The following ESYT2 variants were observed in gnomAD, a reference collection of about 807,000 sequenced individuals.
ESYT2 encodes the protein extended synaptotagmin-2.
A neutral mutation model predicts 107.2 loss-of-function variants in ESYT2; 54 were observed. The ratio of observed to expected loss-of-function variants is 0.50; its 90% CI spans 0.40 to 0.63. The LOEUF (loss-of-function observed/expected upper bound fraction) is 0.63. ESYT2 is among the 30% of genes least tolerant of loss of function. The probability of loss-of-function intolerance (pLI) is 0.00; values close to 1 mark genes in which losing one functional copy is unlikely to be tolerated. For missense variants in ESYT2, 1,020 were observed against 1,094.5 expected (o/e 0.93, Z 0.96); for synonymous variants, 491 against 434.1 (o/e 1.13, Z -1.63).
At chr7:158,804,158 G>T (rs1345558530) in intron 1 of ESYT2, among the ~76,000 whole-genome samples, 1 of 49,430 alleles carries the variant, frequency 2.0e-5, no homozygotes, top group Admixed American at 1.8e-4. Flanking sequence ...AACCCAAACC[G>T]TCGAGAAGGG....
intron 1 of ESYT2, among the ~76,000 whole-genome samples, chr7:158,824,775 C>T (rs758049987): frequency 2.0e-5 from 3 of 152,242 alleles, no homozygotes; most frequent in East Asian, 1.9e-4. Context: ...AGACTTTATC[C>T]TATGAAGAGA....
At chr7:158,786,976 G>T (rs1839135481) in intron 6 of ESYT2, among the ~76,000 whole-genome samples, 1 of 152,194 alleles carries the variant, frequency 6.6e-6, no homozygotes, top group African/African-American at 2.4e-5. Flanking sequence ...GGTGAAGAAA[G>T]CCTTCTGCGG....
intron 7 of ESYT2, among the ~76,000 whole-genome samples, chr7:158,768,353 T>C (rs1294132863): frequency 6.6e-6 from 1 of 152,240 alleles, no homozygotes; most frequent in Non-Finnish European, 1.5e-5. Context: ...TTAATAATTT[T>C]TGAAATACTA....
At chr7:158,798,607 T>C (rs1393070451) in intron 2 of ESYT2, among the ~76,000 whole-genome samples, 8 of 120,662 alleles carry the variant, frequency 6.6e-5, no homozygotes, top group Non-Finnish European at 1.1e-4. Flanking sequence ...GATCATGCCA[T>C]TGCACTCCAG....
At chr7:158,827,935 G>A (rs1840503697) in intron 1 of ESYT2, among the ~76,000 whole-genome samples, 1 of 152,144 alleles carries the variant, frequency 6.6e-6, no homozygotes, top group South Asian at 2.1e-4. Flanking sequence ...AAGATTTGAA[G>A]CCAACTCTTC....
intron 4 of ESYT2, among the ~76,000 whole-genome samples, chr7:158,789,269 A>T (rs1314136498): frequency 6.6e-6 from 1 of 152,144 alleles, no homozygotes; most frequent in Non-Finnish European, 1.5e-5. Flanking sequence ...ATTGAGAATT[A>T]CTCTCTACCT....
intron 3 of ESYT2, among the ~76,000 whole-genome samples, chr7:158,797,577 C>T (rs545382040): frequency 1.2e-4 from 18 of 151,960 alleles, no homozygotes; most frequent in Admixed American, 6.6e-4. Flanking sequence ...GTTTTTCGGC[C>T]AGGCGCGGTG....
chr7:158,790,326 ACT>A (rs1839247835), intron 4 of ESYT2, among the ~76,000 whole-genome samples: 3 of 152,130 alleles, frequency 2.0e-5, no homozygotes, highest in South Asian at 4.1e-4. Flanking sequence ...ACAGCACACA[ACT>A]CTGAGTTGCT....
chr7:158,778,239 A>G (rs1027264277), intron 6 of ESYT2, among the ~76,000 whole-genome samples: 1 of 152,214 alleles, frequency 6.6e-6, no homozygotes, highest in African/African-American at 2.4e-5. Flanking sequence ...AGTCTACAAC[A>G]TGGAATACCT....
intron 18 of ESYT2, 100 bp downstream of exon 18, chr7:158,741,423 T>C: frequency 1.4e-6 from 2 of 1,473,782 alleles, no homozygotes; most frequent in Non-Finnish European, 1.8e-6. Flanking sequence ...CCCCAAAGCA[T>C]GCCGGCCTCA....
At chr7:158,743,815 T>A in intron 16 of ESYT2, 137 bp from the exon 17 acceptor site, 1 of 984,608 alleles carries the variant, frequency 1.0e-6, no homozygotes, top group Non-Finnish European at 1.4e-6. Flanking sequence ...GTGGGGTGGC[T>A]CACGCCTGTA....
At position 158,755,344 on chromosome 7, in the gene ESYT2, T is replaced by A. The variant is rs112980071; in HGVS notation, c.1420-2501A>T. Among the ~76,000 whole-genome samples the A allele has an allele frequency of 5.1e-3, 775 of 152,296 alleles. 4 individuals carry two copies. Among genetic ancestry groups the A allele is most frequent in the African/African-American group, 0.018 (744 of 41,560 alleles). On this transcript the variant is annotated intron_variant, in intron 13 of 22. Coordinates refer to ENST00000275418, the MANE Select transcript of ESYT2 (RefSeq NM_001367773.1). ...AAGTTCACATTTGTTTTACGGAACA[T>A]CTTAGGTGATGCATATGTTCTAATA...
chr7:158,771,132 T>C (rs1432963259), intron 7 of ESYT2, among the ~76,000 whole-genome samples: 1 of 152,250 alleles, frequency 6.6e-6, no homozygotes, highest in Non-Finnish European at 1.5e-5. Context: ...TTAAATAAAA[T>C]GAATCAGGGG....
At chr7:158,800,732 TTC>T (rs1491263134) in intron 1 of ESYT2, among the ~76,000 whole-genome samples, 85 of 121,780 alleles carry the variant, frequency 7.0e-4, no homozygotes, top group African/African-American at 8.3e-4. Flanking sequence ...TTCTTTTCTT[TTC>T]TTTTTTTTTT....
chr7:158,743,382 C>A (rs1837279610), intron 17 of ESYT2, 147 bp downstream of exon 17: 1 of 948,478 alleles, frequency 1.1e-6, no homozygotes, highest in African/African-American at 1.7e-5. Context: ...AACAATATCT[C>A]CTCCCTGCAC....
chr7:158,801,959 A>C (rs1455591347), intron 1 of ESYT2, among the ~76,000 whole-genome samples: 1 of 151,274 alleles, frequency 6.6e-6, no homozygotes, highest in Admixed American at 6.6e-5. Context: ...CCTTTGAACA[A>C]TTAGTGGCTC....
intron 4 of ESYT2, 39 bp from the exon 5 acceptor site, chr7:158,788,456 G>T (rs778510583): frequency 1.3e-6 from 2 of 1,510,366 alleles, no homozygotes; most frequent in East Asian, 2.3e-5. Flanking sequence ...TAAGTGAAAT[G>T]AACTATTCTC....
intron 1 of ESYT2, among the ~76,000 whole-genome samples, chr7:158,813,768 A>G (rs1472643608): frequency 3.3e-5 from 5 of 152,190 alleles, no homozygotes. Flanking sequence ...CAGATCAAAA[A>G]CGTTTTAAAA....
chr7:158,779,696 A>G (rs1451412001), intron 6 of ESYT2, among the ~76,000 whole-genome samples: 3 of 152,188 alleles, frequency 2.0e-5, no homozygotes, highest in Non-Finnish European at 2.9e-5. Context: ...AAACCGTCCA[A>G]TCTGCTCCTG....
Sources: allele counts gnomAD v4.1 joint callset (sites outside exome capture counted in the v4.1 genomes callset), GRCh38; gene constraint gnomAD v4.1.1; transcripts MANE v1.5; gene names NCBI Gene and HGNC (gene_info 2026-07-23, HGNC 2026-07-21).